Variants in PRKN observed in about 807,000 individuals in gnomAD.
PRKN encodes parkin RBR E3 ubiquitin protein ligase.
A neutral mutation model predicts 59.5 loss-of-function variants in PRKN; 56 were observed. The observed-to-expected ratio is 0.94, with a 90% CI of 0.76 to 1.18. The LOEUF (loss-of-function observed/expected upper bound fraction) is 1.18. Among genes scored for constraint, PRKN ranks in the 50% most tolerant of loss-of-function variants. PRKN has a pLI of 0.00. For synonymous variants in PRKN, 250 were observed against 222.1 expected (o/e 1.13, Z -1.12); for missense variants, 657 against 596.4 (o/e 1.10, Z -1.06).
At position 161,552,580 on chromosome 6, in the gene PRKN, AAAAC is replaced by A. The variant is rs1429823813; in HGVS notation, c.934-3581_934-3578del. ...TGTCCAAATCCTTCCACATTGAAAAAAAACAAAAACAAAAAACAAAAAACAAAAA... is the reference window on the plus strand; with the variant it reads ...TGTCCAAATCCTTCCACATTGAAAAAAAAAACAAAAAACAAAAAACAAAAA... On this transcript the variant is annotated intron_variant, in intron 8 of 11. Transcript: ENST00000366898. The surrounding 1 kb of genome is among the most constrained non-coding windows in gnomAD (Gnocchi z 4.9). Among the ~76,000 whole-genome samples, 69 of 147,276 alleles carry A rather than the reference AAAAC, an allele frequency of 4.7e-4. No individual in the cohort carries two copies. Among genetic ancestry groups the A allele is most frequent in the African/African-American group, 5.9e-4 (22 of 37,136 alleles).
At chr6:162,091,816 C>T (rs949705817) in intron 4 of PRKN, among the ~76,000 whole-genome samples, 1 of 152,122 alleles carries the variant, frequency 6.6e-6, no homozygotes, top group African/African-American at 2.4e-5. Flanking sequence ...GTGGGCGGAC[C>T]ACTTGGGCCC....
intron 1 of PRKN, among the ~76,000 whole-genome samples, chr6:162,707,576 ATTT>A (rs11353881): frequency 2.1e-5 from 3 of 140,608 alleles, no homozygotes; most frequent in Non-Finnish European, 3.1e-5. Flanking sequence ...CAGCATCACT[ATTT>A]TTTTTTTTTT....
intron 2 of PRKN, among the ~76,000 whole-genome samples, chr6:162,428,704 G>A (rs1237172153): frequency 2.6e-5 from 4 of 152,094 alleles, no homozygotes. Flanking sequence ...ACATCACAAA[G>A]CTACATGTGT....
At chr6:162,678,101 T>G (rs910083991) in intron 1 of PRKN, among the ~76,000 whole-genome samples, 1 of 152,266 alleles carries the variant, frequency 6.6e-6, no homozygotes, top group Non-Finnish European at 1.5e-5. Flanking sequence ...CACAATGATT[T>G]TGAAAATCAT....
At chr6:162,709,394 T>C (rs1260543577) in intron 1 of PRKN, among the ~76,000 whole-genome samples, 1 of 144,460 alleles carries the variant, frequency 6.9e-6, no homozygotes, top group Non-Finnish European at 1.5e-5. Context: ...TTTTTTTTAA[T>C]AACCTGGGCT....
chr6:162,622,773 A>G (rs1480479540), intron 1 of PRKN, among the ~76,000 whole-genome samples: 1 of 152,176 alleles, frequency 6.6e-6, no homozygotes, highest in African/African-American at 2.4e-5. Context: ...AACACTCAGA[A>G]CATTCTGTGG....
At chr6:162,207,348 G>T (rs1784991412) in intron 3 of PRKN, among the ~76,000 whole-genome samples, 1 of 151,994 alleles carries the variant, frequency 6.6e-6, no homozygotes, top group Non-Finnish European at 1.5e-5. Flanking sequence ...CTCCAGCCTG[G>T]GTGACAGAGC....
At chr6:162,013,012 G>A (rs1347248226) in intron 5 of PRKN, among the ~76,000 whole-genome samples, 1 of 152,054 alleles carries the variant, frequency 6.6e-6, no homozygotes, top group East Asian at 1.9e-4. Context: ...ATATTCTGCT[G>A]TTAATCAAAC....
At chr6:161,758,957 T>A (rs1311214660) in intron 7 of PRKN, among the ~76,000 whole-genome samples, 1 of 152,258 alleles carries the variant, frequency 6.6e-6, no homozygotes, top group East Asian at 1.9e-4. Context: ...GGCAGGTGGA[T>A]CACGAGGCCA....
chr6:162,515,650 T>C (rs867738195), intron 1 of PRKN, among the ~76,000 whole-genome samples: 4 of 152,218 alleles, frequency 2.6e-5, no homozygotes, highest in Admixed American at 6.5e-5. Flanking sequence ...GGTTATCGGG[T>C]ACATTGTAGA....
chr6:162,226,093 ATAAT>A (rs1778166915), intron 3 of PRKN, among the ~76,000 whole-genome samples: 1 of 82,706 alleles, frequency 1.2e-5, no homozygotes, highest in Non-Finnish European at 2.3e-5. Flanking sequence ...AATAATAATA[ATAAT>A]AAAATTAGAT....
chr6:161,765,303 C>T (rs1179159497), intron 7 of PRKN, among the ~76,000 whole-genome samples: 2 of 152,084 alleles, frequency 1.3e-5, no homozygotes, highest in African/African-American at 2.4e-5. Context: ...CTAAATCATT[C>T]GCATAGTGGA....
At chr6:162,611,107 T>C (rs925437927) in intron 1 of PRKN, among the ~76,000 whole-genome samples, 1 of 152,188 alleles carries the variant, frequency 6.6e-6, no homozygotes, top group African/African-American at 2.4e-5. Flanking sequence ...GTAATATCTA[T>C]TGGCAAAGGA....
chr6:161,361,073 G>T lies in PRKN; in HGVS notation c.1168-868C>A, dbSNP rs1209001341. Among the ~76,000 whole-genome samples the T allele has an allele frequency of 6.6e-6, 1 of 151,922 alleles. No homozygotes were observed. The highest frequency in any genetic ancestry group is 1.5e-5 in the Non-Finnish European group (1 of 67,994). On this transcript the variant is annotated intron_variant, in intron 10 of 11. Transcript: ENST00000366898. The surrounding 1 kb of genome is among the most constrained non-coding windows in gnomAD (Gnocchi z 5.2). ...ATCATGTATAAGGAGGTTTTCTGGT[G>T]GGGGTGGAAGCAAGAGGTCCTGGGC...
In PRKN at chr6:162,262,782, T is replaced by TAAAAAA. The variant is rs751742289; in HGVS notation, c.172-23_172-18dup. The TAAAAAA allele has an allele frequency of 8.0e-5, 109 of 1,361,472 alleles. 9 individuals carry two copies. Among genetic ancestry groups the TAAAAAA allele is most frequent in the Admixed American group, 3.8e-4 (13 of 34,598 alleles). 84.3% of individuals were successfully genotyped at this position (1,361,472 alleles called of 1,614,324 possible). On this transcript the variant is annotated splice_polypyrimidine_tract_variant and intron_variant, in intron 2 of 11. Transcript: ENST00000366898. ...GTCACAATTCTGTTTGGGAGCAAGG[T>TAAAAAA]AAAAAAAAAAAAAAAAAAAAAGGAA...
intron 7 of PRKN, among the ~76,000 whole-genome samples, chr6:161,635,707 G>A (rs2128156409): frequency 6.6e-6 from 1 of 152,300 alleles, no homozygotes; most frequent in Admixed American, 6.5e-5. Flanking sequence ...AGCTGCAGAG[G>A]CAGTGACTCA....
chr6:161,966,639 C>T (rs749955624), intron 6 of PRKN, among the ~76,000 whole-genome samples: 1 of 152,186 alleles, frequency 6.6e-6, no homozygotes, highest in African/African-American at 2.4e-5. Context: ...GCTTGTTATG[C>T]TTATATTCAT....
intron 5 of PRKN, among the ~76,000 whole-genome samples, chr6:161,975,071 C>T (rs544797720): frequency 6.6e-6 from 1 of 150,480 alleles, no homozygotes; most frequent in African/African-American, 2.4e-5. Context: ...TTAGGATAGG[C>T]ATGACATATA....
At chr6:161,892,619 G>A (rs1247073186) in intron 6 of PRKN, among the ~76,000 whole-genome samples, 1 of 152,072 alleles carries the variant, frequency 6.6e-6, no homozygotes, top group Non-Finnish European at 1.5e-5. Flanking sequence ...GGCTGAGGTG[G>A]GAGGATCTAC....
Sources: gnomAD v4.1 joint callset for allele counts (sites outside exome capture counted in the v4.1 genomes callset) on GRCh38, gnomAD v4.1.1 for gene constraint, Gnocchi (gnomAD v3.1) non-coding constraint, MANE v1.5 for transcripts, NCBI Gene and HGNC (gene_info 2026-07-23, HGNC 2026-07-21) for gene names.